The following ADAMTSL5 variants were observed in gnomAD, a reference collection of about 807,000 sequenced individuals.
The protein encoded by ADAMTSL5 is ADAMTS like 5, also known as ADAMTS-like protein 5.
In ADAMTSL5, 53 loss-of-function variants were observed where a neutral mutation model predicts 51.7. That is an observed-to-expected ratio of 1.03 (90% CI 0.82 to 1.29). The LOEUF is 1.29. Ranked by LOEUF, ADAMTSL5 falls within the 50% of genes most tolerant of loss-of-function variation. ADAMTSL5 has a pLI of 0.00. For synonymous variants in ADAMTSL5, 285 were observed against 278.7 expected (o/e 1.02, Z -0.23); for missense variants, 770 against 676.2 (o/e 1.14, Z -1.54).
chr19:1,510,625 C>A lies in ADAMTSL5; in HGVS notation c.191+14G>T, dbSNP rs923367730. On this transcript the variant is annotated intron_variant, in intron 3 of 11. Coordinates refer to ENST00000330475, the MANE Select transcript of ADAMTSL5 (RefSeq NM_213604.3). ...GGGGAGGAGGGGCAGGGACCCCCTCCGGGCCCCGCTCACCGGAGGCAGCGC... is the reference window on the plus strand; with the variant it reads ...GGGGAGGAGGGGCAGGGACCCCCTCAGGGCCCCGCTCACCGGAGGCAGCGC... 2 of 1,527,276 alleles carry A rather than the reference C, an allele frequency of 1.3e-6. No homozygotes were observed. The highest frequency in any genetic ancestry group is 1.8e-6 in the Non-Finnish European group (2 of 1,135,996). 94.6% of individuals were successfully genotyped at this position (1,527,276 alleles called of 1,614,324 possible).
At chr19:1,508,281 C>T in intron 6 of ADAMTSL5, 162 bp downstream of exon 6, 1 of 1,150,376 alleles carries the variant, frequency 8.7e-7, no homozygotes, top group South Asian at 1.7e-5. Flanking sequence ...GGAGTGGGTG[C>T]CTAAGGGGGG....
intron 9 of ADAMTSL5, 137 bp downstream of exon 9, chr19:1,507,105 C>T (rs1457294400): frequency 6.5e-6 from 7 of 1,073,728 alleles, no homozygotes; most frequent in Non-Finnish European, 7.7e-6. Context: ...CCCTCTGATG[C>T]TCTGTCCCAG....
In ADAMTSL5 at chr19:1,508,502, G is replaced by C; in HGVS notation, c.430C>G (p.Leu144Val). Residue 144 changes from leucine to valine, a missense_variant, in exon 6 of 12, where the codon CTG (leucine) becomes GTG (valine). By Grantham distance (32) the Leu-to-Val change is conservative. Transcript: ENST00000330475. ...CCCGGGCTGCAGGCGGTGCCGTCCA[G>C]GACGCGGCCGAAGCTGTGGTAGAAG... Reference protein sequence around the residue: ...HAFYHSFGRVLDGTACSPGAQ... With the variant: ...HAFYHSFGRVVDGTACSPGAQ... 6.3e-7 allele frequency: 1 copy of C among 1,587,206 alleles called. No homozygotes were observed. Among genetic ancestry groups the C allele is most frequent in the Middle Eastern group, 1.7e-4 (1 of 6,030 alleles).
At position 1,506,614 on chromosome 19, in the gene ADAMTSL5, G is replaced by C; in HGVS notation, c.1090C>G (p.Leu364Val). ...CCAAAGTCACTGCCGCAATAGTGGAGTAGTCGGTGGGCGCGGCCGCGGGTG... is the reference window on the plus strand; with the variant it reads ...CCAAAGTCACTGCCGCAATAGTGGACTAGTCGGTGGGCGCGGCCGCGGGTG... ...PDTRGRAHRL[L>V]HYCGSDFVFQ... Residue 364 changes from leucine to valine, a missense_variant, in exon 11 of 12, where the codon CTC (leucine) becomes GTC (valine). Coordinates refer to ENST00000330475, the MANE Select transcript of ADAMTSL5 (RefSeq NM_213604.3). This position sits in a 1 kb window ranked among gnomAD's most constrained non-coding sequence, Gnocchi z 5.6. 2.5e-6 allele frequency: 4 copies of C among 1,610,502 alleles called. No individual in the cohort carries two copies. The highest frequency in any genetic ancestry group is 3.4e-6 in the Non-Finnish European group (4 of 1,178,398).
At chr19:1,509,482 C>G (rs1024839029) in intron 5 of ADAMTSL5, among the ~76,000 whole-genome samples, 1 of 152,106 alleles carries the variant, frequency 6.6e-6, no homozygotes, top group African/African-American at 2.4e-5. Context: ...TCCTCCTTCT[C>G]CAGCTCCTTC....
At chr19:1,510,515 G>A (rs1008623192) in intron 3 of ADAMTSL5, 87 bp from the exon 4 acceptor site, 20 of 1,505,940 alleles carry the variant, frequency 1.3e-5, no homozygotes, top group African/African-American at 9.7e-5. Flanking sequence ...AACCCCACCC[G>A]CATTCCAGCG....
chr19:1,508,309 A>T, intron 6 of ADAMTSL5, 134 bp downstream of exon 6: 2 of 1,036,394 alleles, frequency 1.9e-6, no homozygotes, highest in Non-Finnish European at 2.5e-6. Flanking sequence ...CAGGGCCTGG[A>T]AGGGGAGGGG....
In ADAMTSL5 at chr19:1,505,729, C is replaced by T. The variant is rs773673852; in HGVS notation, c.*286G>A. The T allele has an allele frequency of 5.1e-6, 2 of 389,506 alleles. No homozygotes were observed. The highest frequency in any genetic ancestry group is 6.8e-4 in the Middle Eastern group (1 of 1,476). 24.1% of individuals were successfully genotyped at this position (389,506 alleles called of 1,614,324 possible). On this transcript the variant is annotated 3_prime_UTR_variant, in exon 12 of 12. Transcript: ENST00000330475. Reference sequence around the variant, plus strand: ...CAAAGAGAAAGAAAGCAGCGTTAAACTTTCTGAGTATAAATAGCTATGAGC... The same window carrying T: ...CAAAGAGAAAGAAAGCAGCGTTAAATTTTCTGAGTATAAATAGCTATGAGC...
In ADAMTSL5 at chr19:1,508,426, G is replaced by T; in HGVS notation, c.489+17C>A. 2 of 1,524,856 alleles carry T rather than the reference G, an allele frequency of 1.3e-6. No homozygotes were observed. The highest frequency in any genetic ancestry group is 1.8e-6 in the Non-Finnish European group (2 of 1,140,518). 94.5% of individuals were successfully genotyped at this position (1,524,856 alleles called of 1,614,324 possible). A position where few individuals can be genotyped will look rare whatever the true frequency, so the allele number is the denominator to read the frequency against. On this transcript the variant is annotated intron_variant, in intron 6 of 11. Transcript: ENST00000330475. Reference sequence around the variant, plus strand: ...GGGAGGTGGGCGGGGCTCGGGCGGGGCCTGACGAGTCCTTACAAGGCAGCG... The same window carrying T: ...GGGAGGTGGGCGGGGCTCGGGCGGGTCCTGACGAGTCCTTACAAGGCAGCG...
rs1314411843 is a variant in ADAMTSL5 at position 1,505,873 on chromosome 19, TGTGG to T, written c.*138_*141del. 10 of 1,088,020 alleles carry T rather than the reference TGTGG, an allele frequency of 9.2e-6. No individual in the cohort carries two copies. Among genetic ancestry groups the T allele is most frequent in the African/African-American group, 1.6e-5 (1 of 62,284 alleles). The allele number at this position is 1,088,020 out of a possible 1,614,324, so 67.4% of individuals were successfully genotyped here. A position where few individuals can be genotyped will look rare whatever the true frequency, so the allele number is the denominator to read the frequency against. ...TGCATGCAGAGGTGTCTTAAGCGTGTGTGGGAGGGAGTCACATAGCTGCACAGGT... is the reference window on the plus strand; with the variant it reads ...TGCATGCAGAGGTGTCTTAAGCGTGTGAGGGAGTCACATAGCTGCACAGGT... On this transcript the variant is annotated 3_prime_UTR_variant, in exon 12 of 12. Coordinates refer to ENST00000330475, the MANE Select transcript of ADAMTSL5 (RefSeq NM_213604.3).
At chr19:1,509,272 A>AG (rs1421063150) in intron 5 of ADAMTSL5, among the ~76,000 whole-genome samples, 7 of 150,738 alleles carry the variant, frequency 4.6e-5, no homozygotes, top group Admixed American at 2.0e-4. Flanking sequence ...AAAAAAAAAA[A>AG]AAAAAAAGAA....
At position 1,510,441 on chromosome 19, in the gene ADAMTSL5, AGAGTGTGGC is replaced by A; in HGVS notation, c.192-22_192-14del. ...TTCCCCAGGAAGCCTGAAGGGAGAC[AGAGTGTGGC>A]GAGAACCCCCAGGGACCCCCTCCCA... On this transcript the variant is annotated splice_polypyrimidine_tract_variant and intron_variant, in intron 3 of 11. Transcript: ENST00000330475. 6.2e-7 allele frequency: 1 copy of A among 1,605,908 alleles called. No homozygotes were observed. Among genetic ancestry groups the A allele is most frequent in the Non-Finnish European group, 8.5e-7 (1 of 1,177,452 alleles).
Position 1,505,774 on chromosome 19 carries a change from G to A in ADAMTSL5, c.*241C>T, listed in dbSNP as rs1265331036. On this transcript the variant is annotated 3_prime_UTR_variant, in exon 12 of 12. Coordinates refer to ENST00000330475, the MANE Select transcript of ADAMTSL5 (RefSeq NM_213604.3). ...ATGAGCTTCCTGGCAGCCAAGGAGA[G>A]AGGCGAAATAAAAGTCAGAGTCTCC... 3 of 463,266 alleles carry A rather than the reference G, an allele frequency of 6.5e-6. No individual in the cohort carries two copies. The highest frequency in any genetic ancestry group is 1.1e-5 in the Non-Finnish European group (3 of 266,676). 28.7% of individuals were successfully genotyped at this position (463,266 alleles called of 1,614,324 possible).
chr19:1,511,798 C>G (rs554935183), intron 1 of ADAMTSL5: 6 of 329,096 alleles, frequency 1.8e-5, no homozygotes, highest in Non-Finnish European at 3.7e-5. Context: ...AGCTGCACCC[C>G]GGCCCCAGGG....
At chr19:1,511,332 C>T (rs920130189) in intron 1 of ADAMTSL5, among the ~76,000 whole-genome samples, 172 bp from the exon 2 acceptor site, 1 of 152,090 alleles carries the variant, frequency 6.6e-6, no homozygotes, top group African/African-American at 2.4e-5. Flanking sequence ...GCCACCACGC[C>T]GGACTAATTT....
At chr19:1,512,298 G>C (rs771959449) in intron 1 of ADAMTSL5, among the ~76,000 whole-genome samples, 3 of 152,202 alleles carry the variant, frequency 2.0e-5, no homozygotes, top group Non-Finnish European at 2.9e-5. Context: ...TGAGACAGCT[G>C]TGTGGTCTGC....
chr19:1,507,045 C>T lies in ADAMTSL5; in HGVS notation c.853-117G>A, dbSNP rs1912971355. On this transcript the variant is annotated intron_variant, in intron 9 of 11. Transcript: ENST00000330475. ...CCTGTCTGCCCCCAGCCTCCCTCCT[C>T]TGATGCTCTGTCCCTAGCTGATCCC... The T allele has an allele frequency of 9.9e-6, 13 of 1,319,496 alleles. No homozygotes were observed. In the South Asian group the frequency reaches 1.6e-4, roughly 17 times the overall value. The allele number at this position is 1,319,496 out of a possible 1,614,324, so 81.7% of individuals were successfully genotyped here. A position where few individuals can be genotyped will look rare whatever the true frequency, so the allele number is the denominator to read the frequency against.
In ADAMTSL5 at chr19:1,505,898, C is replaced by T; in HGVS notation, c.*117G>A. Reference sequence around the variant, plus strand: ...TGTGGGAGGGAGTCACATAGCTGCACAGGTGGGACGTATTTCAGAGCTGCC... The same window carrying T: ...TGTGGGAGGGAGTCACATAGCTGCATAGGTGGGACGTATTTCAGAGCTGCC... On this transcript the variant is annotated 3_prime_UTR_variant, in exon 12 of 12. Transcript: ENST00000330475. 2 of 1,288,012 alleles carry T rather than the reference C, an allele frequency of 1.6e-6. No individual in the cohort carries two copies. The highest frequency in any genetic ancestry group is 2.1e-6 in the Non-Finnish European group (2 of 969,518). The allele number at this position is 1,288,012 out of a possible 1,614,324, so 79.8% of individuals were successfully genotyped here. A position where few individuals can be genotyped will look rare whatever the true frequency, so the allele number is the denominator to read the frequency against.
chr19:1,507,901 CA>C, intron 7 of ADAMTSL5, 96 bp downstream of exon 7: 3 of 1,321,624 alleles, frequency 2.3e-6, no homozygotes, highest in Non-Finnish European at 3.1e-6. Flanking sequence ...GGCTGGGCCG[CA>C]CACTGGCCAA....
Sources: allele counts gnomAD v4.1 joint callset (sites outside exome capture counted in the v4.1 genomes callset), GRCh38; gene constraint gnomAD v4.1.1; non-coding constraint Gnocchi (gnomAD v3.1); transcripts MANE v1.5; gene names NCBI Gene and HGNC (gene_info 2026-07-23, HGNC 2026-07-21).